Variants in RBFOX1 observed in about 807,000 individuals in gnomAD.
RBFOX1 encodes the protein RNA binding fox-1 homolog 1.
In RBFOX1, 8 loss-of-function variants were observed where a neutral mutation model predicts 57.7. The ratio of observed to expected loss-of-function variants is 0.14; its 90% confidence interval spans 0.08 to 0.25. The LOEUF is 0.25. Among genes scored for constraint, RBFOX1 ranks in the 10% least tolerant of loss-of-function variants. The pLI, the probability that RBFOX1 is intolerant of heterozygous loss-of-function variation, is 1.00. For missense variants in RBFOX1, 611 were observed against 548.5 expected (o/e 1.11, Z -1.14); for synonymous variants, 326 against 222.4 (o/e 1.47, Z -4.15).
intron 3 of RBFOX1, among the ~76,000 whole-genome samples, chr16:6,872,780 A>G (rs575512030): frequency 3.3e-5 from 5 of 152,274 alleles, no homozygotes; most frequent in African/African-American, 1.2e-4. Flanking sequence ...AATAACTGAG[A>G]TAAGAGTTGA....
At chr16:6,545,458 C>T (rs574718950) in intron 2 of RBFOX1, among the ~76,000 whole-genome samples, 3 of 152,304 alleles carry the variant, frequency 2.0e-5, no homozygotes, top group Non-Finnish European at 2.9e-5. Flanking sequence ...CATGTCATTT[C>T]TGTTGCAGCC....
chr16:6,839,665 C>G (rs895126283), intron 3 of RBFOX1, among the ~76,000 whole-genome samples: 9 of 152,242 alleles, frequency 5.9e-5, no homozygotes, highest in Admixed American at 2.0e-4. Context: ...TTTGCAAACT[C>G]TCCTATTTTT....
intron 3 of RBFOX1, among the ~76,000 whole-genome samples, chr16:5,691,182 T>C (rs1187471991): frequency 6.6e-6 from 1 of 152,266 alleles, no homozygotes; most frequent in East Asian, 1.9e-4. Flanking sequence ...ATCTTTGTAA[T>C]AAATTTTCTG....
At chr16:6,158,223 G>A (rs1424166276) in intron 1 of RBFOX1, among the ~76,000 whole-genome samples, 2 of 152,152 alleles carry the variant, frequency 1.3e-5, no homozygotes, top group Non-Finnish European at 2.9e-5. Context: ...TGTCCGGCGG[G>A]GCCTTGGACT....
intron 3 of RBFOX1, among the ~76,000 whole-genome samples, chr16:6,765,824 C>T (rs888943272): frequency 2.2e-4 from 34 of 152,258 alleles, no homozygotes; most frequent in Middle Eastern, 6.8e-3. Flanking sequence ...GAAATAATGT[C>T]TTTTGCAGCA....
At chr16:6,693,869 A>T (rs150928389) in intron 3 of RBFOX1, among the ~76,000 whole-genome samples, 1 of 152,362 alleles carries the variant, frequency 6.6e-6, no homozygotes, top group Non-Finnish European at 1.5e-5. Flanking sequence ...TTTAGTGTTC[A>T]CAGAGTGCCA....
chr16:5,856,228 T>C (rs56292290), intron 3 of RBFOX1, among the ~76,000 whole-genome samples: 3,647 of 48,360 alleles, frequency 0.075, 329 homozygotes, highest in Admixed American at 0.11. Flanking sequence ...TATATATATA[T>C]GTATATATAT....
chr16:6,712,971 T>C (rs934711087), intron 3 of RBFOX1, among the ~76,000 whole-genome samples: 2 of 143,974 alleles, frequency 1.4e-5, no homozygotes, highest in African/African-American at 5.0e-5. Flanking sequence ...TAAAGAGCAG[T>C]TCCCCTGCAC....
intron 1 of RBFOX1, among the ~76,000 whole-genome samples, chr16:5,456,061 CAAG>C (rs907247471): frequency 1.1e-4 from 17 of 151,176 alleles, no homozygotes; most frequent in African/African-American, 2.7e-4. Context: ...GTAAAATACA[CAAG>C]AAGAAATAAA....
At chr16:5,840,475 G>A (rs2056592069) in intron 3 of RBFOX1, among the ~76,000 whole-genome samples, 2 of 152,274 alleles carry the variant, frequency 1.3e-5, no homozygotes, top group Admixed American at 1.3e-4. Flanking sequence ...TAGGCCTGGC[G>A]GTGACCTGGC....
At chr16:6,277,322 G>A (rs1312486341) in intron 1 of RBFOX1, among the ~76,000 whole-genome samples, 1 of 151,582 alleles carries the variant, frequency 6.6e-6, no homozygotes, top group Non-Finnish European at 1.5e-5. Context: ...TTAGCCAGGT[G>A]TGATGGTGTG....
intron 1 of RBFOX1, among the ~76,000 whole-genome samples, chr16:6,078,312 A>C (rs2095941174): frequency 6.6e-6 from 1 of 152,148 alleles, no homozygotes; most frequent in South Asian, 2.1e-4. Context: ...TCTCCAGCCC[A>C]TGTCCCCCAC....
intron 1 of RBFOX1, among the ~76,000 whole-genome samples, chr16:5,413,102 G>A (rs117606328): frequency 0.02 from 2,990 of 152,234 alleles, 59 homozygotes; most frequent in Non-Finnish European, 0.032. Context: ...TTCCCATCAC[G>A]ATGCTTACGG....
At chr16:7,204,785 T>A (rs1458023116) in intron 4 of RBFOX1, among the ~76,000 whole-genome samples, 1 of 152,206 alleles carries the variant, frequency 6.6e-6, no homozygotes. Context: ...CTTTTCCTTC[T>A]TTTCTCCCTT....
At chr16:7,141,237 C>T (rs942787008) in intron 4 of RBFOX1, among the ~76,000 whole-genome samples, 1 of 152,134 alleles carries the variant, frequency 6.6e-6, no homozygotes, top group Non-Finnish European at 1.5e-5. Context: ...GGATCCAGAT[C>T]GCTTCCTGCC....
chr16:5,391,121 C>T (rs1282044116), intron 1 of RBFOX1, among the ~76,000 whole-genome samples: 3 of 152,206 alleles, frequency 2.0e-5, no homozygotes, highest in Non-Finnish European at 2.9e-5. Context: ...ACCAGACATA[C>T]ACGTTAGGTT....
At chr16:6,498,595 C>T (rs942445872) in intron 2 of RBFOX1, among the ~76,000 whole-genome samples, 51 of 152,074 alleles carry the variant, frequency 3.4e-4, no homozygotes, top group African/African-American at 1.2e-3. Context: ...TTCATGAAGA[C>T]AGAGAACAGG....
chr16:5,848,699 C>T (rs908882423), intron 3 of RBFOX1, among the ~76,000 whole-genome samples: 1 of 152,106 alleles, frequency 6.6e-6, no homozygotes, highest in African/African-American at 2.4e-5. Flanking sequence ...GTAAACCCAG[C>T]ACTTTGGGAG....
At chr16:6,626,956 A>G (rs1010983366) in intron 2 of RBFOX1, among the ~76,000 whole-genome samples, 2 of 152,158 alleles carry the variant, frequency 1.3e-5, no homozygotes, top group African/African-American at 4.8e-5. Flanking sequence ...AATACAAACT[A>G]TTATTATCCT....
Sources: gnomAD v4.1 joint callset for allele counts (sites outside exome capture counted in the v4.1 genomes callset) on GRCh38, gnomAD v4.1.1 for gene constraint, MANE v1.5 for transcripts, NCBI Gene and HGNC (gene_info 2026-07-23, HGNC 2026-07-21) for gene names.